RAP1GAP2: variants seen among roughly 807,000 people sequenced by gnomAD.
The protein encoded by RAP1GAP2 is rap1 GTPase-activating protein 2.
RAP1GAP2 carries 27 observed loss-of-function variants against 95.0 expected under a neutral mutation model. That is an observed-to-expected ratio of 0.28 (90% CI 0.21 to 0.39). RAP1GAP2 has a LOEUF of 0.39. Among genes scored for constraint, RAP1GAP2 ranks in the 10% least tolerant of loss-of-function variants. The pLI is 1.00. For missense variants in RAP1GAP2, 771 were observed against 970.0 expected (o/e 0.79, Z 2.72); for synonymous variants, 373 against 380.9 (o/e 0.98, Z 0.24).
chr17:2,933,154 G>T (rs2043208992), intron 3 of RAP1GAP2, among the ~76,000 whole-genome samples: 1 of 152,242 alleles, frequency 6.6e-6, no homozygotes, highest in African/African-American at 2.4e-5. Flanking sequence ...GGAAGGAAAT[G>T]GAGTCGTGTG....
chr17:2,965,450 G>A lies in RAP1GAP2; in HGVS notation c.493-90G>A. 2.2e-6 allele frequency: 2 copies of A among 914,580 alleles called. No homozygotes were observed. Among genetic ancestry groups the A allele is most frequent in the South Asian group, 1.5e-5 (1 of 66,938 alleles). The allele number at this position is 914,580 out of a possible 1,614,324, so 56.7% of individuals were successfully genotyped here. On this transcript the variant is annotated intron_variant, in intron 7 of 24. Coordinates refer to ENST00000254695, the MANE Select transcript of RAP1GAP2 (RefSeq NM_015085.5). This position sits in a 1 kb window ranked among gnomAD's most constrained non-coding sequence, Gnocchi z 4.7. ...CATCCTTCTCTTCCTTGTTGCTGTG[G>A]GGCTTCTCCTGGTGAAGGAGGTGGT...
chr17:2,936,297 C>T (rs1457236257), intron 3 of RAP1GAP2, among the ~76,000 whole-genome samples: 7 of 125,354 alleles, frequency 5.6e-5, no homozygotes, highest in African/African-American at 1.5e-4. Context: ...CTATTTGTCT[C>T]GCTGGCCTTC....
upstream of RAP1GAP2, chr17:2,755,687 C>T (rs1050542141): frequency 8.6e-5 from 26 of 301,914 alleles, no homozygotes; most frequent in Non-Finnish European, 1.4e-4. Context: ...ACCGTGCGGC[C>T]CGCGGAGGGC....
intron 2 of RAP1GAP2, among the ~76,000 whole-genome samples, chr17:2,894,954 G>A (rs922627064): frequency 2.6e-5 from 4 of 152,104 alleles, no homozygotes; most frequent in African/African-American, 4.8e-5. Context: ...TGGGCACCCC[G>A]CCTCGGGCCC....
At chr17:2,779,381 G>T (rs568746108) in intron 1 of RAP1GAP2, among the ~76,000 whole-genome samples, 9 of 152,338 alleles carry the variant, frequency 5.9e-5, no homozygotes, top group African/African-American at 2.2e-4. Flanking sequence ...GGGTGGCTCA[G>T]ATAGTCATTC....
intron 3 of RAP1GAP2, among the ~76,000 whole-genome samples, chr17:2,938,375 T>C (rs2043370126): frequency 1.3e-5 from 2 of 152,052 alleles, no homozygotes; most frequent in African/African-American, 4.8e-5. Flanking sequence ...CCTTCCAAGC[T>C]GGGGACCTTG....
chr17:2,776,548 C>G (rs893759532), upstream of RAP1GAP2, among the ~76,000 whole-genome samples: 8 of 152,088 alleles, frequency 5.3e-5, no homozygotes, highest in Non-Finnish European at 1.2e-4. Context: ...CGGTGCCCGC[C>G]CCTCCGCCCC....
At chr17:2,943,519 G>A (rs1464862512) in intron 3 of RAP1GAP2, among the ~76,000 whole-genome samples, 1 of 151,736 alleles carries the variant, frequency 6.6e-6, no homozygotes, top group Non-Finnish European at 1.5e-5. Flanking sequence ...CTAAAAATTA[G>A]CTGGGTGTGG....
rs371084478 is a variant in RAP1GAP2, at chr17:2,829,139, C to T, written c.80+28589C>T. ...CTGGGATTACAGGCACCCGCCACCA[C>T]GCCCGGCTAATTTTTTGTATTTTTA... On this transcript the variant is annotated intron_variant, in intron 2 of 24. Transcript: ENST00000254695. Among the ~76,000 whole-genome samples, 20 of 152,008 alleles carry T rather than the reference C, an allele frequency of 1.3e-4. No homozygotes were observed. The East Asian group carries it at 2.3e-3, about 18-fold the overall frequency.
rs914476831 is a variant in RAP1GAP2, at chr17:3,032,482, A to AG, written c.*30+39dup. ...GAGTGAATGTCCTGCTGTGGCCGTG[A>AG]GGGGGGACGTGTGTTTCTTTTAGAT... On this transcript the variant is annotated intron_variant, in intron 24 of 24. Coordinates refer to ENST00000254695, the MANE Select transcript of RAP1GAP2 (RefSeq NM_015085.5). 2.1e-4 allele frequency: 334 copies of AG among 1,594,948 alleles called. 1 individual carries two copies. The highest frequency in any genetic ancestry group is 1.5e-3 in the Middle Eastern group (9 of 6,008).
chr17:2,931,818 C>T (rs1021989639), intron 3 of RAP1GAP2, among the ~76,000 whole-genome samples: 1 of 152,194 alleles, frequency 6.6e-6, no homozygotes, highest in Non-Finnish European at 1.5e-5. Context: ...TGGCGCCTTG[C>T]TCAGCCTTCC....
rs899788712 is a variant in RAP1GAP2 at position 2,965,865 on chromosome 17, A to G, written c.596+222A>G. 7.1e-6 allele frequency: 4 copies of G among 560,040 alleles called. No individual in the cohort carries two copies. The highest frequency in any genetic ancestry group is 6.4e-5 in the Admixed American group (2 of 31,154). 34.7% of individuals were successfully genotyped at this position (560,040 alleles called of 1,614,324 possible). Reference sequence around the variant, plus strand: ...TTAGCTGACAGTCAGAGGGGCATCCAGGTCTCAAGGTCACCCAGACTGTAC... The same window carrying G: ...TTAGCTGACAGTCAGAGGGGCATCCGGGTCTCAAGGTCACCCAGACTGTAC... On this transcript the variant is annotated intron_variant, in intron 8 of 24. Coordinates refer to ENST00000254695, the MANE Select transcript of RAP1GAP2 (RefSeq NM_015085.5). The surrounding 1 kb of genome is among the most constrained non-coding windows in gnomAD (Gnocchi z 4.7).
At chr17:2,960,123 CAA>C (rs71153316) in intron 4 of RAP1GAP2, among the ~76,000 whole-genome samples, 4 of 81,004 alleles carry the variant, frequency 4.9e-5, no homozygotes, top group East Asian at 3.2e-4. Flanking sequence ...GACTCCATCT[CAA>C]AAAAAAAAAA....
intron 1 of RAP1GAP2, among the ~76,000 whole-genome samples, chr17:2,769,302 TC>T (rs2068341576): frequency 8.7e-6 from 1 of 114,990 alleles, no homozygotes; most frequent in Non-Finnish European, 1.7e-5. Context: ...ACGCCTGTAA[TC>T]CCAGCACTTT....
At chr17:2,994,845 C>G (rs559147439) in intron 12 of RAP1GAP2, among the ~76,000 whole-genome samples, 2 of 152,210 alleles carry the variant, frequency 1.3e-5, no homozygotes, top group Admixed American at 6.5e-5. Flanking sequence ...TGGAGTCTTG[C>G]TCTTGTTGCC....
chr17:2,969,826 CT>C (rs1352161699), intron 8 of RAP1GAP2, among the ~76,000 whole-genome samples: 1 of 151,922 alleles, frequency 6.6e-6, no homozygotes, highest in East Asian at 1.9e-4. Flanking sequence ...TTCTTATTTC[CT>C]TCCTTATTTC....
chr17:2,963,665 G>A lies in RAP1GAP2; in HGVS notation c.280-191G>A, dbSNP rs1343301804. ...CTCATCTAGGCCTTTCAGCCCTGGG[G>A]CTACAGGGTTGGCGAATGAAGCTGG... On this transcript the variant is annotated intron_variant, in intron 6 of 24. Transcript: ENST00000254695. The surrounding 1 kb of genome is among the most constrained non-coding windows in gnomAD (Gnocchi z 4.8). Among the ~76,000 whole-genome samples the A allele has an allele frequency of 3.3e-5, 5 of 152,182 alleles. No individual in the cohort carries two copies. Among genetic ancestry groups the A allele is most frequent in the African/African-American group, 1.2e-4 (5 of 41,434 alleles).
chr17:2,990,588 G>A lies in RAP1GAP2; in HGVS notation c.814-709G>A, dbSNP rs1440784303. On this transcript the variant is annotated intron_variant, in intron 11 of 24. Coordinates refer to ENST00000254695, the MANE Select transcript of RAP1GAP2 (RefSeq NM_015085.5). ...ACTCTGCGTTTAGCTTTCGGGACCT[G>A]CCTGGGAGTGCTGTTGCCAGATCAT... 2.6e-5 allele frequency among the ~76,000 whole-genome samples: 4 copies of A among 152,316 alleles called. No homozygotes were observed. In the East Asian group the frequency reaches 7.7e-4, roughly 29 times the overall value.
In RAP1GAP2 at chr17:2,965,909, C is replaced by T. The variant is rs2044574790; in HGVS notation, c.596+266C>T. 4.1e-6 allele frequency: 2 copies of T among 482,370 alleles called. No homozygotes were observed. Among genetic ancestry groups the T allele is most frequent in the Non-Finnish European group, 7.5e-6 (2 of 267,734 alleles). The allele number at this position is 482,370 out of a possible 1,614,324, so 29.9% of individuals were successfully genotyped here. A position where few individuals can be genotyped will look rare whatever the true frequency, so the allele number is the denominator to read the frequency against. ...ACTGTACCCCTTCCTGCCCCTCTTT[C>T]TTACAAGTCCATGGCTCTGAGGAAG... On this transcript the variant is annotated intron_variant, in intron 8 of 24. Transcript: ENST00000254695. The surrounding 1 kb of genome is among the most constrained non-coding windows in gnomAD (Gnocchi z 4.7).
Sources: gnomAD v4.1 joint callset for allele counts (sites outside exome capture counted in the v4.1 genomes callset) on GRCh38, gnomAD v4.1.1 for gene constraint, Gnocchi (gnomAD v3.1) non-coding constraint, MANE v1.5 for transcripts, NCBI Gene and HGNC (gene_info 2026-07-23, HGNC 2026-07-21) for gene names.